The following PTPRN2 variants were observed in gnomAD, a reference collection of about 807,000 sequenced individuals.
PTPRN2 encodes the protein protein tyrosine phosphatase receptor type N2.
PTPRN2 carries 74 observed loss-of-function variants against 118.8 expected under a neutral mutation model. The ratio of observed to expected loss-of-function variants is 0.62; its 90% CI spans 0.52 to 0.76. The LOEUF is 0.76. Among genes scored for constraint, PTPRN2 ranks in the 30% least tolerant of loss-of-function variants. The pLI is 0.00. For synonymous variants in PTPRN2, 641 were observed against 608.0 expected (o/e 1.05, Z -0.80); for missense variants, 1,481 against 1,394.4 (o/e 1.06, Z -0.99).
At chr7:157,839,834 C>G (rs111204852) in intron 12 of PTPRN2, among the ~76,000 whole-genome samples, 27 of 129,404 alleles carry the variant, frequency 2.1e-4, no homozygotes, top group African/African-American at 8.4e-4. Context: ...TGTGTGGCCA[C>G]GTGTGACTGT....
chr7:158,343,330 A>T (rs1416450203), intron 2 of PTPRN2, among the ~76,000 whole-genome samples: 1 of 152,204 alleles, frequency 6.6e-6, no homozygotes, highest in African/African-American at 2.4e-5. Context: ...AGGCAACGCA[A>T]ATCAAAACCA....
At chr7:157,829,089 C>T (rs1278067688) in intron 12 of PTPRN2, among the ~76,000 whole-genome samples, 3 of 152,276 alleles carry the variant, frequency 2.0e-5, no homozygotes, top group South Asian at 2.1e-4. Context: ...GGGGCGCAGC[C>T]GGGCGCGGGA....
chr7:158,022,880 C>G lies in PTPRN2; in HGVS notation c.1723+58418G>C, dbSNP rs1304111547. 6.6e-6 allele frequency among the ~76,000 whole-genome samples: 1 copy of G among 152,206 alleles called. No homozygotes were observed. Among genetic ancestry groups the G allele is most frequent in the Non-Finnish European group, 1.5e-5 (1 of 68,034 alleles). On this transcript the variant is annotated intron_variant, in intron 11 of 22. Transcript: ENST00000389418. This position sits in a 1 kb window ranked among gnomAD's most constrained non-coding sequence, Gnocchi z 4.6. ...CCTGGACCTTAGAAACCTCAATGAT[C>G]AAGAGTAGCGTTTCCCTCCACGGTT...
chr7:157,601,549 C>T (rs1801667751), intron 16 of PTPRN2, among the ~76,000 whole-genome samples: 1 of 152,274 alleles, frequency 6.6e-6, no homozygotes, highest in Non-Finnish European at 1.5e-5. Context: ...AGCTCCTGCC[C>T]AGTAAGGCCT....
chr7:158,049,721 T>C (rs980434890), intron 11 of PTPRN2, among the ~76,000 whole-genome samples: 1 of 152,080 alleles, frequency 6.6e-6, no homozygotes, highest in Admixed American at 6.5e-5. Context: ...GCCAACATGG[T>C]GAAATCCTGT....
intron 11 of PTPRN2, among the ~76,000 whole-genome samples, chr7:158,007,774 CTG>C (rs886067900): frequency 7.2e-6 from 1 of 138,816 alleles, no homozygotes. Context: ...TGAGGGTGTG[CTG>C]TGTGTGGCTG....
chr7:158,277,147 G>A (rs528943301), intron 3 of PTPRN2, among the ~76,000 whole-genome samples: 67 of 151,320 alleles, frequency 4.4e-4, no homozygotes, highest in African/African-American at 1.4e-3. Context: ...GCACACACGC[G>A]CACATACACG....
rs939006870 is a variant in PTPRN2 at position 157,674,769 on chromosome 7, C to T, written c.2001+7956G>A. Among the ~76,000 whole-genome samples, 4 of 152,236 alleles carry T rather than the reference C, an allele frequency of 2.6e-5. No individual in the cohort carries two copies. The highest frequency in any genetic ancestry group is 7.2e-5 in the African/African-American group (3 of 41,464). Reference sequence around the variant, plus strand: ...ACACGCCTGTGGAGTCCCACCCTGTCGTGTGCACGAGGCTGTCACCTGGAG... The same window carrying T: ...ACACGCCTGTGGAGTCCCACCCTGTTGTGTGCACGAGGCTGTCACCTGGAG... On this transcript the variant is annotated intron_variant, in intron 13 of 22. Coordinates refer to ENST00000389418, the MANE Select transcript of PTPRN2 (RefSeq NM_002847.5). This position sits in a 1 kb window ranked among gnomAD's most constrained non-coding sequence, Gnocchi z 4.5.
At chr7:158,276,133 C>T (rs1345974635) in intron 3 of PTPRN2, among the ~76,000 whole-genome samples, 1 of 152,108 alleles carries the variant, frequency 6.6e-6, no homozygotes, top group Admixed American at 6.5e-5. Context: ...CTGAACCTTC[C>T]CTCCCTCCCC....
intron 2 of PTPRN2, among the ~76,000 whole-genome samples, chr7:158,428,039 G>C (rs531720299): frequency 6.6e-6 from 1 of 152,290 alleles, no homozygotes; most frequent in South Asian, 2.1e-4. Context: ...GCTGAGTCCT[G>C]CATACCTAAC....
chr7:157,774,309 A>G (rs1489713234), intron 12 of PTPRN2, among the ~76,000 whole-genome samples: 1 of 152,256 alleles, frequency 6.6e-6, no homozygotes, highest in African/African-American at 2.4e-5. Context: ...TCTTTATACA[A>G]CAGGGCAAGG....
At chr7:158,351,031 G>T (rs1055858525) in intron 2 of PTPRN2, among the ~76,000 whole-genome samples, 4 of 152,200 alleles carry the variant, frequency 2.6e-5, no homozygotes, top group African/African-American at 9.7e-5. Flanking sequence ...CGGCACACCT[G>T]AGCCTCTTCC....
chr7:158,105,214 C>T (rs1815579301), intron 10 of PTPRN2, among the ~76,000 whole-genome samples: 1 of 145,764 alleles, frequency 6.9e-6, no homozygotes, highest in African/African-American at 2.5e-5. Context: ...CATCCCAACT[C>T]CACTCAGCTC....
intron 13 of PTPRN2, among the ~76,000 whole-genome samples, chr7:157,670,338 C>T (rs2150778492): frequency 6.6e-6 from 1 of 152,036 alleles, no homozygotes; most frequent in Admixed American, 6.6e-5. Flanking sequence ...ACTGCCTCTC[C>T]CCTAAGACTA....
chr7:157,596,957 T>C lies in PTPRN2; in HGVS notation c.2419-1642A>G, dbSNP rs1801381000. 1.3e-5 allele frequency among the ~76,000 whole-genome samples: 2 copies of C among 152,226 alleles called. No individual in the cohort carries two copies. Among genetic ancestry groups the C allele is most frequent in the South Asian group, 2.1e-4 (1 of 4,834 alleles). On this transcript the variant is annotated intron_variant, in intron 16 of 22. Coordinates refer to ENST00000389418, the MANE Select transcript of PTPRN2 (RefSeq NM_002847.5). This position sits in a 1 kb window ranked among gnomAD's most constrained non-coding sequence, Gnocchi z 4.2. ...AGGACATCAGTGGTGGCCCCGGTGC[T>C]ACCTTAAGTGCTGCTGCATTTGGGA...
At chr7:158,196,649 G>A (rs1291606955) in intron 4 of PTPRN2, among the ~76,000 whole-genome samples, 6 of 152,290 alleles carry the variant, frequency 3.9e-5, no homozygotes, top group African/African-American at 1.4e-4. Flanking sequence ...ACACCCAACC[G>A]AGATGTAGCT....
chr7:158,245,627 T>G (rs1018469141), intron 3 of PTPRN2, among the ~76,000 whole-genome samples: 1 of 151,978 alleles, frequency 6.6e-6, no homozygotes, highest in African/African-American at 2.4e-5. Flanking sequence ...CAGACTGGGT[T>G]TGTTTGGGTT....
chr7:157,769,235 G>T (rs976610312), intron 12 of PTPRN2, among the ~76,000 whole-genome samples: 2 of 152,140 alleles, frequency 1.3e-5, no homozygotes, highest in Non-Finnish European at 2.9e-5. Flanking sequence ...ACACATGCCG[G>T]TGATTTATCC....
intron 12 of PTPRN2, among the ~76,000 whole-genome samples, chr7:157,844,711 T>C (rs892619478): frequency 1.3e-5 from 2 of 152,214 alleles, no homozygotes; most frequent in African/African-American, 4.8e-5. Flanking sequence ...CGTCCTAAGT[T>C]GCTCTGTGTT....
Sources: allele counts gnomAD v4.1 joint callset (sites outside exome capture counted in the v4.1 genomes callset), GRCh38; gene constraint gnomAD v4.1.1; non-coding constraint Gnocchi (gnomAD v3.1); transcripts MANE v1.5; gene names NCBI Gene and HGNC (gene_info 2026-07-23, HGNC 2026-07-21).